The following FOCAD variants were observed in gnomAD, a reference collection of about 807,000 sequenced individuals.
The protein encoded by FOCAD is focadhesin, also known as KIAA1797.
In FOCAD, 198 loss-of-function variants were observed where a neutral mutation model predicts 225.6. The observed-to-expected ratio is 0.88, with a 90% CI of 0.78 to 0.99. The LOEUF is 0.99. Among genes scored for constraint, FOCAD ranks in the 50% least tolerant of loss-of-function variants. The pLI, the probability that FOCAD is intolerant of heterozygous loss-of-function variation, is 0.00. For missense variants in FOCAD, 2,713 were observed against 2,123.6 expected (o/e 1.28, Z -5.46); for synonymous variants, 897 against 755.0 (o/e 1.19, Z -3.08).
At chr9:20,831,046 G>T (rs1825438505) in intron 15 of FOCAD, among the ~76,000 whole-genome samples, 1 of 152,004 alleles carries the variant, frequency 6.6e-6, no homozygotes, top group Non-Finnish European at 1.5e-5. Flanking sequence ...TAAATCCGTA[G>T]TTTTAAAGCA....
At chr9:20,658,983 G>C (rs191562616) in intron 2 of FOCAD, among the ~76,000 whole-genome samples, 27 of 152,268 alleles carry the variant, frequency 1.8e-4, no homozygotes, top group Admixed American at 1.8e-3. Flanking sequence ...ACTTTGGGAG[G>C]CTGAGGTGGG....
intron 4 of FOCAD, among the ~76,000 whole-genome samples, chr9:20,721,563 G>A (rs749908013): frequency 3.9e-5 from 6 of 151,980 alleles, no homozygotes; most frequent in Non-Finnish European, 5.9e-5. Context: ...TTAGCTGGGC[G>A]TGGTGATGCG....
intron 19 of FOCAD, among the ~76,000 whole-genome samples, chr9:20,877,048 C>T (rs945786780): frequency 1.3e-5 from 2 of 152,104 alleles, no homozygotes; most frequent in Non-Finnish European, 2.9e-5. Flanking sequence ...TGACCTGGTG[C>T]TCTAGTTGAT....
At chr9:20,978,960 A>G (rs1840447487) in intron 37 of FOCAD, among the ~76,000 whole-genome samples, 1 of 152,170 alleles carries the variant, frequency 6.6e-6, no homozygotes, top group Non-Finnish European at 1.5e-5. Context: ...AGCATGAAAG[A>G]TCTCTACTAG....
intron 35 of FOCAD, among the ~76,000 whole-genome samples, chr9:20,966,439 A>G (rs1453626599): frequency 6.6e-6 from 1 of 152,092 alleles, no homozygotes; most frequent in African/African-American, 2.4e-5. Context: ...ACCCTTATTT[A>G]TAATTTGCAA....
At chr9:20,922,994 T>C (rs536925956) in intron 24 of FOCAD, among the ~76,000 whole-genome samples, 1 of 152,354 alleles carries the variant, frequency 6.6e-6, no homozygotes, top group South Asian at 2.1e-4. Context: ...ATTAGAAGGC[T>C]ACCATTTAGA....
At chr9:20,815,297 C>A (rs972581929) in intron 11 of FOCAD, among the ~76,000 whole-genome samples, 65 of 146,508 alleles carry the variant, frequency 4.4e-4, no homozygotes, top group African/African-American at 1.6e-3. Flanking sequence ...CCATACCCAG[C>A]TAATTTTTGT....
intron 25 of FOCAD, among the ~76,000 whole-genome samples, chr9:20,924,204 CAT>C (rs763250773): frequency 2.0e-5 from 3 of 152,184 alleles, no homozygotes; most frequent in Non-Finnish European, 2.9e-5. Context: ...CTTAATTAAA[CAT>C]GTGGTGAGCT....
intron 15 of FOCAD, among the ~76,000 whole-genome samples, chr9:20,827,289 C>G (rs901112560): frequency 2.0e-5 from 3 of 152,040 alleles, no homozygotes; most frequent in Non-Finnish European, 4.4e-5. Flanking sequence ...TTCTTATAAA[C>G]AAAATCATAT....
At chr9:20,753,093 T>C (rs922315977) in intron 5 of FOCAD, among the ~76,000 whole-genome samples, 4 of 152,198 alleles carry the variant, frequency 2.6e-5, no homozygotes, top group Non-Finnish European at 5.9e-5. Context: ...TATACAATCA[T>C]GTTGTCTGCA....
At chr9:20,986,548 T>G in intron 40 of FOCAD, 83 bp downstream of exon 40, 1 of 1,282,446 alleles carries the variant, frequency 7.8e-7, no homozygotes, top group Non-Finnish European at 1.0e-6. Flanking sequence ...GTTCTCAACT[T>G]AAAAATTAGT....
rs1431512040 is a variant in FOCAD at position 20,827,031 on chromosome 9, C to G, written c.1920+3916C>G. ...ATAAGAAATAATCTTTTTTAAAAAG[C>G]AATTTTATTGAGATATAATTCACAA... On this transcript the variant is annotated intron_variant, in intron 15 of 43. Coordinates refer to ENST00000338382, the MANE Select transcript of FOCAD (RefSeq NM_001375567.1). 3.9e-5 allele frequency among the ~76,000 whole-genome samples: 6 copies of G among 152,026 alleles called. No homozygotes were observed. The East Asian group carries it at 9.7e-4, about 24-fold the overall frequency.
At chr9:20,766,208 G>A (rs1204452419) in intron 7 of FOCAD, among the ~76,000 whole-genome samples, 1 of 152,118 alleles carries the variant, frequency 6.6e-6, no homozygotes, top group Admixed American at 6.5e-5. Context: ...AATGAGCTCG[G>A]TGGAATATTT....
At chr9:20,888,356 C>T (rs1587512917) in intron 21 of FOCAD, among the ~76,000 whole-genome samples, 2 of 151,862 alleles carry the variant, frequency 1.3e-5, no homozygotes, top group South Asian at 2.1e-4. Flanking sequence ...TCAGGCTGGT[C>T]TCAAACTCCT....
At chr9:20,783,477 G>A (rs1563985267) in intron 10 of FOCAD, among the ~76,000 whole-genome samples, 1 of 151,172 alleles carries the variant, frequency 6.6e-6, no homozygotes, top group Non-Finnish European at 1.5e-5. Flanking sequence ...CTGAATCTTT[G>A]CTTCTGCACA....
At chr9:20,805,458 T>A (rs1822322513) in intron 11 of FOCAD, among the ~76,000 whole-genome samples, 1 of 152,186 alleles carries the variant, frequency 6.6e-6, no homozygotes, top group African/African-American at 2.4e-5. Flanking sequence ...TTGGGATTTG[T>A]TTTTGTGGGG....
chr9:20,803,510 TG>T (rs976365956), intron 11 of FOCAD, among the ~76,000 whole-genome samples: 1 of 152,100 alleles, frequency 6.6e-6, no homozygotes, highest in African/African-American at 2.4e-5. Context: ...TAGAATTTGT[TG>T]AAGTAAAAGA....
chr9:20,949,488 G>A (rs1837488840), intron 32 of FOCAD, 116 bp from the exon 33 acceptor site: 1 of 732,384 alleles, frequency 1.4e-6, no homozygotes, highest in Non-Finnish European at 2.3e-6. Flanking sequence ...GAAATAGAAG[G>A]ACATAATGAT....
chr9:20,742,626 T>C (rs1440675976), intron 5 of FOCAD, among the ~76,000 whole-genome samples: 1 of 152,234 alleles, frequency 6.6e-6, no homozygotes, highest in Non-Finnish European at 1.5e-5. Flanking sequence ...TCAGTTTAGA[T>C]GATGGTAAAA....
Sources: gnomAD v4.1 joint callset for allele counts (sites outside exome capture counted in the v4.1 genomes callset) on GRCh38, gnomAD v4.1.1 for gene constraint, MANE v1.5 for transcripts, NCBI Gene and HGNC (gene_info 2026-07-23, HGNC 2026-07-21) for gene names.